ACOT9: variants seen among roughly 807,000 people sequenced by gnomAD.
ACOT9 encodes the protein acyl-coenzyme A thioesterase 9, mitochondrial.
ACOT9 carries 34 observed loss-of-function variants against 39.7 expected under a neutral mutation model. That is an observed-to-expected ratio of 0.86 (90% CI 0.65 to 1.14). The LOEUF is 1.14. Ranked by LOEUF, ACOT9 falls within the 50% of genes most tolerant of loss-of-function variation. The pLI is 0.00. For missense variants in ACOT9, 313 were observed against 344.1 expected, an observed-to-expected ratio of 0.91 and a Z score of 0.71; for synonymous variants, 110 against 120.5, an observed-to-expected ratio of 0.91 and a Z score of 0.57.
intron 8 of ACOT9, among the ~76,000 whole-genome samples, chrX:23,718,730 C>A: frequency 9.3e-6 from 1 of 107,509 alleles, no homozygotes; most frequent in Non-Finnish European, 1.9e-5. Context: ...ACGGTGAAAC[C>A]CCGTCTGCAC....
chrX:23,718,905 CAAAAAAAAAAAAA>C lies in ACOT9; in HGVS notation c.588+2963_588+2975del, dbSNP rs35558833. Among the ~76,000 whole-genome samples the C allele has an allele frequency of 1.1e-4, 4 of 37,863 alleles. No homozygotes were observed. In the East Asian group the frequency reaches 4.4e-3, roughly 42 times the overall value. The allele number at this position is 37,863 out of a possible 115,157, so 32.9% of individuals were successfully genotyped here. On this transcript the variant is annotated intron_variant, in intron 8 of 15. Coordinates refer to ENST00000379303, the MANE Select transcript of ACOT9 (RefSeq NM_001037171.2). Reference sequence around the variant, plus strand: ...TGGGTGACAGAGCAAGACTCCGTCTCAAAAAAAAAAAAAAAAAAAAAAAGACTGTAGGCAGATC... The same window carrying C: ...TGGGTGACAGAGCAAGACTCCGTCTCAAAAAAAAAAGACTGTAGGCAGATC...
chrX:23,732,255 G>A (rs1281874160), intron 4 of ACOT9, among the ~76,000 whole-genome samples: 3 of 112,561 alleles, frequency 2.7e-5, no homozygotes, highest in African/African-American at 9.7e-5. Context: ...TACACAAAAT[G>A]GTAACAGTTG....
intron 15 of ACOT9, 111 bp downstream of exon 15, chrX:23,704,583 A>C: frequency 1.1e-6 from 1 of 903,687 alleles, no homozygotes; most frequent in African/African-American, 2.0e-5. Context: ...AATCTCCTGA[A>C]GACATGCTCT....
intron 8 of ACOT9, 142 bp downstream of exon 8, chrX:23,721,739 C>T (rs1320956558): frequency 4.8e-6 from 2 of 416,366 alleles, no homozygotes; most frequent in Non-Finnish European, 8.2e-6. Context: ...ACCCACCATC[C>T]ATATGACATG....
At chrX:23,706,565 A>AAAG in intron 11 of ACOT9, 63 bp downstream of exon 11, 1 of 566,743 alleles carries the variant, frequency 1.8e-6, no homozygotes, top group African/African-American at 2.5e-5. Context: ...TCTCAAAAAA[A>AAAG]AAAAAAAAAA....
intron 6 of ACOT9, among the ~76,000 whole-genome samples, chrX:23,729,518 T>C (rs1929652969): frequency 8.9e-6 from 1 of 112,561 alleles, no homozygotes; most frequent in African/African-American, 3.2e-5. Flanking sequence ...TATGGTTGTT[T>C]TGTAGTTATG....
chrX:23,703,943 G>C lies in ACOT9; in HGVS notation c.1298C>G (p.Ser433Cys). The C allele has an allele frequency of 8.3e-7, 1 of 1,211,281 alleles. No homozygotes were observed. The change falls in exon 16 of 16, where the codon TCC (serine) becomes TGC (cysteine). Residue 433 changes from serine to cysteine, a missense_variant. Ser to Cys is a moderately radical substitution (Grantham distance 112). Transcript: ENST00000379303. ...TCTCAAGGTCGCTGGGCCACTCATG[G>C]AGTTGAAATGCCGCTGCCCATCTAA... ...LYLDGQRHFNSMSGPATLRKD... is the reference protein window; with the variant it reads ...LYLDGQRHFNCMSGPATLRKD...
intron 8 of ACOT9, among the ~76,000 whole-genome samples, chrX:23,718,728 A>T (rs1230471531): frequency 9.2e-6 from 1 of 108,239 alleles, no homozygotes; most frequent in African/African-American, 3.4e-5. Context: ...ACACGGTGAA[A>T]CCCCGTCTGC....
chrX:23,713,734 T>C, intron 8 of ACOT9, among the ~76,000 whole-genome samples: 1 of 108,958 alleles, frequency 9.2e-6, no homozygotes, highest in East Asian at 2.9e-4. Context: ...GAAAAATACC[T>C]CAAAGTCCAA....
intron 8 of ACOT9, among the ~76,000 whole-genome samples, chrX:23,719,942 T>G (rs1345715866): frequency 1.8e-5 from 2 of 111,524 alleles, no homozygotes; most frequent in Admixed American, 9.5e-5. Context: ...GTTCACGCCA[T>G]TCTCCTGCCT....
At chrX:23,734,599 G>C (rs1306096866) in intron 2 of ACOT9, among the ~76,000 whole-genome samples, 2 of 111,701 alleles carry the variant, frequency 1.8e-5, no homozygotes, top group Non-Finnish European at 3.8e-5. Flanking sequence ...ATGAAAAATG[G>C]TTGATTTTTC....
At chrX:23,742,983 G>C (rs1414957330) in intron 1 of ACOT9, 142 bp downstream of exon 1, 1 of 749,635 alleles carries the variant, frequency 1.3e-6, no homozygotes, top group Admixed American at 5.0e-5. Flanking sequence ...CGGAGGTACA[G>C]TGGGCGAGCG....
rs149500465 is a variant in ACOT9 at position 23,742,258 on chromosome X, T to TAGATAG, written c.20+866_20+867insCTATCT. ...AGAGGGAGAGAGAGAGAGAGAGAGA[T>TAGATAG]ATCCAGGACCCCCAAGAGAATTGAT... On this transcript the variant is annotated intron_variant, in intron 1 of 15. Transcript: ENST00000379303. Among the ~76,000 whole-genome samples, 430 of 82,570 alleles carry TAGATAG rather than the reference T, an allele frequency of 5.2e-3. 3 individuals carry two copies. Among genetic ancestry groups the TAGATAG allele is most frequent in the African/African-American group, 0.019 (358 of 19,022 alleles). 71.7% of individuals were successfully genotyped at this position (82,570 alleles called of 115,157 possible).
At chrX:23,720,069 G>A (rs779054994) in intron 8 of ACOT9, among the ~76,000 whole-genome samples, 10 of 112,338 alleles carry the variant, frequency 8.9e-5, no homozygotes, top group Non-Finnish European at 1.7e-4. Flanking sequence ...TCCTGACCTG[G>A]TGATCTGCCC....
At position 23,728,648 on chromosome X, in the gene ACOT9, C is replaced by G. The variant is rs1400506215; in HGVS notation, c.400+1879G>C. Among the ~76,000 whole-genome samples the G allele has an allele frequency of 3.6e-5, 4 of 111,295 alleles. No homozygotes were observed. In the South Asian group the frequency reaches 1.5e-3, roughly 42 times the overall value. ...TATGTACGTATATGCACATATATTT[C>G]CCAGCTCCTCCACTAAGAGGGTATG... On this transcript the variant is annotated intron_variant, in intron 6 of 15. Coordinates refer to ENST00000379303, the MANE Select transcript of ACOT9 (RefSeq NM_001037171.2).
rs1929868144 is a variant in ACOT9 at position 23,734,515 on chromosome X, A to G, written c.119-148T>C. On this transcript the variant is annotated intron_variant, in intron 2 of 15. Coordinates refer to ENST00000379303, the MANE Select transcript of ACOT9 (RefSeq NM_001037171.2). ...ATTCCAGTTATAGGAAATTAACTAT[A>G]GCAATCCTCAGTCCTTCAATAACTA... 7.1e-6 allele frequency: 3 copies of G among 423,477 alleles called. No individual in the cohort carries two copies. In the South Asian group the frequency reaches 1.8e-4, roughly 26 times the overall value. The allele number at this position is 423,477 out of a possible 1,213,427, so 34.9% of individuals were successfully genotyped here. A position where few individuals can be genotyped will look rare whatever the true frequency, so the allele number is the denominator to read the frequency against.
intron 10 of ACOT9, among the ~76,000 whole-genome samples, chrX:23,707,534 C>T (rs763227005): frequency 2.7e-5 from 3 of 110,891 alleles, no homozygotes; most frequent in Admixed American, 1.9e-4. Flanking sequence ...TTCAGGAGAT[C>T]GAGACCATCC....
rs770734260 is a variant in ACOT9, at chrX:23,733,203, G to T, written c.160C>A (p.Arg54=). ...TTTGTGGATGCTCCTACTATCTCCC[G>T]CAACTTATCTCGAACTGAAACAAAA... ...IHVNHVRDKL[R]EIVGASTNWR... is the part of the protein sequence containing the mutation. The change falls in exon 4 of 16, where the codon CGG becomes AGG. Residue 54 remains arginine (R), a synonymous_variant. Coordinates refer to ENST00000379303, the MANE Select transcript of ACOT9 (RefSeq NM_001037171.2). 8.3e-7 allele frequency: 1 copy of T among 1,206,483 alleles called. No homozygotes were observed. The highest frequency in any genetic ancestry group is 1.1e-6 in the Non-Finnish European group (1 of 892,851).
intron 8 of ACOT9, 33 bp downstream of exon 8, chrX:23,721,848 T>TAAAC (rs1383150767): frequency 8.8e-6 from 10 of 1,139,293 alleles, no homozygotes; most frequent in Non-Finnish European, 1.2e-5. Flanking sequence ...TGGTTTTACT[T>TAAAC]AAACAGTGGA....
Sources: gnomAD v4.1 joint callset for allele counts (sites outside exome capture counted in the v4.1 genomes callset) on GRCh38, gnomAD v4.1.1 for gene constraint, MANE v1.5 for transcripts, NCBI Gene and HGNC (gene_info 2026-07-23, HGNC 2026-07-21) for gene names.